The following GABRB1 variants were observed in gnomAD, a reference collection of about 807,000 sequenced individuals.
GABRB1 encodes gamma-aminobutyric acid receptor subunit beta-1.
GABRB1 carries 17 observed loss-of-function variants against 51.6 expected under a neutral mutation model. The observed-to-expected ratio is 0.33, with a 90% confidence interval of 0.23 to 0.49. The LOEUF is 0.49. Among genes scored for constraint, GABRB1 ranks in the 20% least tolerant of loss-of-function variants. GABRB1 has a pLI of 0.99. For missense variants in GABRB1, 410 were observed against 600.6 expected, an observed-to-expected ratio of 0.68 and a Z score of 3.32; for synonymous variants, 247 against 218.9, an observed-to-expected ratio of 1.13 and a Z score of -1.14.
intron 4 of GABRB1, among the ~76,000 whole-genome samples, chr4:47,275,567 C>T (rs1325494280): frequency 6.6e-6 from 1 of 152,090 alleles, no homozygotes; most frequent in South Asian, 2.1e-4. Flanking sequence ...AAGAGTATAT[C>T]TTATCTTCTG....
intron 3 of GABRB1, among the ~76,000 whole-genome samples, chr4:47,099,894 T>C (rs1044952023): frequency 3.3e-5 from 5 of 152,154 alleles, no homozygotes; most frequent in Admixed American, 1.3e-4. Flanking sequence ...ATGCCTTATT[T>C]AGTGATTACA....
chr4:47,294,873 G>A (rs1215094618), intron 4 of GABRB1, among the ~76,000 whole-genome samples: 1 of 152,192 alleles, frequency 6.6e-6, no homozygotes, highest in Non-Finnish European at 1.5e-5. Context: ...GGGGCAGACT[G>A]ACACCTCACA....
At chr4:47,171,733 A>ATGATAGTT (rs1201529946) in intron 4 of GABRB1, among the ~76,000 whole-genome samples, 2 of 152,154 alleles carry the variant, frequency 1.3e-5, no homozygotes, top group Non-Finnish European at 1.5e-5. Context: ...TCCATTTACA[A>ATGATAGTT]TGATAGTTCC....
intron 8 of GABRB1, among the ~76,000 whole-genome samples, chr4:47,410,097 A>C (rs1231894116): frequency 6.6e-6 from 1 of 152,250 alleles, no homozygotes; most frequent in Non-Finnish European, 1.5e-5. Flanking sequence ...TGACTTTTTA[A>C]ATTTTGAATT....
intron 8 of GABRB1, among the ~76,000 whole-genome samples, chr4:47,423,251 A>G (rs1578161730): frequency 6.6e-6 from 1 of 152,182 alleles, no homozygotes; most frequent in Non-Finnish European, 1.5e-5. Context: ...ATAAAAATCT[A>G]TATGTTCAGG....
At chr4:47,067,344 G>A (rs564294075) in intron 3 of GABRB1, among the ~76,000 whole-genome samples, 3 of 152,328 alleles carry the variant, frequency 2.0e-5, no homozygotes, top group Non-Finnish European at 4.4e-5. Context: ...CCCCTAACAA[G>A]AGGGTCAGCC....
chr4:47,042,412 C>T (rs1168900339), intron 3 of GABRB1, among the ~76,000 whole-genome samples: 599 of 41,116 alleles, frequency 0.015, 1 homozygote, highest in South Asian at 0.035. Flanking sequence ...TGTATGTGTA[C>T]AGTATATATA....
At position 47,031,698 on chromosome 4, in the gene GABRB1, C is replaced by A. The variant is rs1021581518; in HGVS notation, c.47C>A (p.Pro16His). Residue 16 changes from proline to histidine, a missense_variant, in exon 1 of 9, where the codon CCT becomes CAT. This residue lies in a region of GABRB1 where 56 missense variants were observed against 54.8 expected (regional missense o/e 1.02). Transcript: ENST00000295454. Reference sequence around the variant, plus strand: ...GAGAGTCTGGGGCTTCTCTCTTTCCCTGTGATGATTACCATGGTCTGTTGT... The same window carrying A: ...GAGAGTCTGGGGCTTCTCTCTTTCCATGTGATGATTACCATGGTCTGTTGT... ...NRESLGLLSFPVMITMVCCAH... is the reference protein window; with the variant it reads ...NRESLGLLSFHVMITMVCCAH... 2 of 1,614,034 alleles carry A rather than the reference C, an allele frequency of 1.2e-6. No homozygotes were observed. The highest frequency in any genetic ancestry group is 1.7e-5 in the Admixed American group (1 of 60,030).
chr4:47,211,217 A>T (rs1720342394), intron 4 of GABRB1, among the ~76,000 whole-genome samples: 1 of 152,136 alleles, frequency 6.6e-6, no homozygotes. Context: ...TGACATCCTT[A>T]TCTACTCACT....
At chr4:47,338,403 C>T (rs138838749) in intron 5 of GABRB1, among the ~76,000 whole-genome samples, 1 of 152,172 alleles carries the variant, frequency 6.6e-6, no homozygotes, top group African/African-American at 2.4e-5. Context: ...TTTACAGATG[C>T]ACCACGCCAT....
At chr4:47,210,860 T>A (rs1032105141) in intron 4 of GABRB1, among the ~76,000 whole-genome samples, 3 of 152,188 alleles carry the variant, frequency 2.0e-5, no homozygotes, top group African/African-American at 7.2e-5. Context: ...GGGGCTATAG[T>A]AACTCTTAGG....
chr4:47,300,400 C>T (rs907944528), intron 4 of GABRB1, among the ~76,000 whole-genome samples: 6 of 151,944 alleles, frequency 3.9e-5, no homozygotes, highest in Non-Finnish European at 8.8e-5. Flanking sequence ...TATCACAAAA[C>T]GTAATTACTA....
chr4:47,060,837 T>C (rs1360817960), intron 3 of GABRB1, among the ~76,000 whole-genome samples: 1 of 152,210 alleles, frequency 6.6e-6, no homozygotes, highest in Non-Finnish European at 1.5e-5. Context: ...ACCTTCACCA[T>C]TTCTTCATTT....
chr4:47,034,119 C>G (rs1308692499), intron 3 of GABRB1, among the ~76,000 whole-genome samples: 3 of 151,986 alleles, frequency 2.0e-5, no homozygotes, highest in Non-Finnish European at 4.4e-5. Flanking sequence ...TTGTAAGCAT[C>G]CACAGATAAT....
intron 3 of GABRB1, among the ~76,000 whole-genome samples, chr4:47,041,188 A>G (rs1725821896): frequency 6.6e-6 from 1 of 152,214 alleles, no homozygotes; most frequent in Admixed American, 6.5e-5. Flanking sequence ...TGAGAAATGA[A>G]GCTTACCTGC....
intron 3 of GABRB1, among the ~76,000 whole-genome samples, chr4:47,041,927 G>T (rs992019817): frequency 6.6e-6 from 1 of 151,962 alleles, no homozygotes; most frequent in South Asian, 2.1e-4. Flanking sequence ...AGTCTTTTCT[G>T]CAGTCTTACC....
At chr4:47,141,676 A>G (rs937470001) in intron 3 of GABRB1, among the ~76,000 whole-genome samples, 1 of 151,986 alleles carries the variant, frequency 6.6e-6, no homozygotes, top group East Asian at 1.9e-4. Context: ...AACACTTGAT[A>G]TCTTTATTAA....
chr4:47,378,351 CG>C (rs1212739850), intron 5 of GABRB1, among the ~76,000 whole-genome samples: 1 of 152,214 alleles, frequency 6.6e-6, no homozygotes. Context: ...GCTCCAAGTG[CG>C]GGGCTTGCCA....
chr4:47,094,540 C>T (rs773081670), intron 3 of GABRB1, among the ~76,000 whole-genome samples: 1 of 151,924 alleles, frequency 6.6e-6, no homozygotes, highest in African/African-American at 2.4e-5. Flanking sequence ...TTAATTCTTA[C>T]GTGTTAAGAT....
Sources: gnomAD v4.1 joint callset for allele counts (sites outside exome capture counted in the v4.1 genomes callset) on GRCh38, gnomAD v4.1.1 for gene constraint, gnomAD v4.1.1 regional missense constraint, MANE v1.5 for transcripts, NCBI Gene and HGNC (gene_info 2026-07-23, HGNC 2026-07-21) for gene names.